Variants in MEGF11 observed in about 807,000 individuals in gnomAD.
The protein encoded by MEGF11 is multiple epidermal growth factor-like domains protein 11.
MEGF11 carries 126 observed loss-of-function variants against 146.6 expected under a neutral mutation model. The observed-to-expected ratio is 0.86, with a 90% CI of 0.74 to 1.00. The LOEUF (loss-of-function observed/expected upper bound fraction) is 1.00, where lower values mean the gene tolerates loss of function less well. Among genes scored for constraint, MEGF11 ranks in the 50% least tolerant of loss-of-function variants. The probability of loss-of-function intolerance (pLI) is 0.00; values close to 1 mark genes in which losing one functional copy is unlikely to be tolerated. For missense variants in MEGF11, 1,509 were observed against 1,521.2 expected, an observed-to-expected ratio of 0.99 and a Z score of 0.13; for synonymous variants, 532 against 583.4, an observed-to-expected ratio of 0.91 and a Z score of 1.27.
At chr15:66,251,847 T>C (rs1458466137) in intron 1 of MEGF11, among the ~76,000 whole-genome samples, 1 of 152,214 alleles carries the variant, frequency 6.6e-6, no homozygotes, top group African/African-American at 2.4e-5. Flanking sequence ...AGACCTCGAA[T>C]TTCTAGCGGC....
At chr15:65,994,027 G>A (rs1416880099) in intron 5 of MEGF11, among the ~76,000 whole-genome samples, 3 of 152,140 alleles carry the variant, frequency 2.0e-5, no homozygotes, top group Non-Finnish European at 2.9e-5. Flanking sequence ...CTGTGACAGG[G>A]GCCCCGGACC....
chr15:66,253,213 G>T (rs539598311), intron 1 of MEGF11, among the ~76,000 whole-genome samples: 3 of 152,130 alleles, frequency 2.0e-5, no homozygotes, highest in Non-Finnish European at 4.4e-5. Flanking sequence ...GCTTGAGAGC[G>T]GAGTCCCCAG....
At chr15:66,186,660 C>G (rs1227840948) in intron 1 of MEGF11, among the ~76,000 whole-genome samples, 1 of 152,230 alleles carries the variant, frequency 6.6e-6, no homozygotes, top group Non-Finnish European at 1.5e-5. Flanking sequence ...AAGTCAATCA[C>G]CCCTGCTGAG....
intron 13 of MEGF11, among the ~76,000 whole-genome samples, chr15:65,925,929 C>T (rs1413177186): frequency 6.6e-6 from 1 of 152,216 alleles, no homozygotes; most frequent in African/African-American, 2.4e-5. Context: ...TACTTGAAAG[C>T]TTCATACACA....
chr15:66,031,312 C>A (rs2083509615), intron 5 of MEGF11, among the ~76,000 whole-genome samples: 1 of 152,148 alleles, frequency 6.6e-6, no homozygotes, highest in South Asian at 2.1e-4. Context: ...ACCTTCTATA[C>A]CCAGTCTGGT....
chr15:66,008,735 G>A (rs892079196), intron 5 of MEGF11, among the ~76,000 whole-genome samples: 1 of 151,588 alleles, frequency 6.6e-6, no homozygotes, highest in African/African-American at 2.4e-5. Context: ...GAGGTGGGAG[G>A]ACTGTCTGAG....
intron 4 of MEGF11, among the ~76,000 whole-genome samples, chr15:66,106,268 T>C (rs2087075194): frequency 6.6e-6 from 1 of 152,214 alleles, no homozygotes; most frequent in Non-Finnish European, 1.5e-5. Context: ...CGTGCAGTTA[T>C]GCACTTGGTA....
chr15:66,213,528 C>T (rs1198303187), intron 1 of MEGF11, among the ~76,000 whole-genome samples: 2 of 152,098 alleles, frequency 1.3e-5, no homozygotes, highest in African/African-American at 4.8e-5. Context: ...ATAGGCACTC[C>T]TGCTTTGTGC....
intron 21 of MEGF11, 151 bp from the exon 22 acceptor site, chr15:65,909,957 C>T (rs1216146112): frequency 1.4e-6 from 1 of 713,868 alleles, no homozygotes; most frequent in African/African-American, 1.7e-5. Context: ...GCTAGGTGTT[C>T]CATGACAGGC....
At chr15:65,926,439 A>G (rs1316843671) in intron 13 of MEGF11, among the ~76,000 whole-genome samples, 3 of 152,272 alleles carry the variant, frequency 2.0e-5, no homozygotes, top group African/African-American at 4.8e-5. Context: ...GGCAAGATGA[A>G]TAAGACAAAA....
chr15:65,922,777 G>A, intron 14 of MEGF11, 46 bp downstream of exon 14: 2 of 1,601,588 alleles, frequency 1.2e-6, no homozygotes, highest in Non-Finnish European at 1.7e-6. Context: ...GAGGGCTAGG[G>A]AGGATTAGCC....
At chr15:66,089,953 GT>G (rs1294329382) in intron 5 of MEGF11, among the ~76,000 whole-genome samples, 5 of 152,240 alleles carry the variant, frequency 3.3e-5, no homozygotes, top group African/African-American at 1.2e-4. Context: ...TGGGATGGAG[GT>G]TTATGACCAG....
At chr15:66,038,188 G>A (rs2083799495) in intron 5 of MEGF11, among the ~76,000 whole-genome samples, 1 of 152,158 alleles carries the variant, frequency 6.6e-6, no homozygotes, top group African/African-American at 2.4e-5. Context: ...GATAAATTGA[G>A]GTGCATACCT....
chr15:66,047,841 A>T (rs150323393), intron 5 of MEGF11, among the ~76,000 whole-genome samples: 1 of 152,190 alleles, frequency 6.6e-6, no homozygotes, highest in South Asian at 2.1e-4. Context: ...CTTGGCCTAC[A>T]TGCCCTCCCG....
chr15:66,129,969 T>C (rs4776737), intron 1 of MEGF11, among the ~76,000 whole-genome samples: 58,626 of 152,012 alleles, frequency 0.39, 12,825 homozygotes, highest in South Asian at 0.56. Context: ...GATTCTGGTG[T>C]TTCTGCTCAA....
At chr15:66,066,794 C>A (rs1288076364) in intron 5 of MEGF11, among the ~76,000 whole-genome samples, 1 of 152,238 alleles carries the variant, frequency 6.6e-6, no homozygotes, top group Non-Finnish European at 1.5e-5. Flanking sequence ...AAATCAAGCC[C>A]CACAAAAACA....
intron 4 of MEGF11, among the ~76,000 whole-genome samples, chr15:66,106,187 CAA>C (rs1429396138): frequency 1.3e-5 from 2 of 152,290 alleles, no homozygotes; most frequent in East Asian, 3.9e-4. Context: ...AGATGGGAAA[CAA>C]TGATGGGGAA....
intron 10 of MEGF11, among the ~76,000 whole-genome samples, chr15:65,951,474 G>A (rs1205466892): frequency 1.3e-5 from 2 of 152,148 alleles, no homozygotes; most frequent in Admixed American, 1.3e-4. Flanking sequence ...ATGACATGAG[G>A]TCAGGAGTTC....
At chr15:66,047,828 C>T (rs1210659918) in intron 5 of MEGF11, among the ~76,000 whole-genome samples, 5 of 152,200 alleles carry the variant, frequency 3.3e-5, no homozygotes, top group African/African-American at 1.2e-4. Context: ...TGAGAGATGG[C>T]TTCTTGGCCT....
Sources: gnomAD v4.1 joint callset for allele counts (sites outside exome capture counted in the v4.1 genomes callset) on GRCh38, gnomAD v4.1.1 for gene constraint, MANE v1.5 for transcripts, NCBI Gene and HGNC (gene_info 2026-07-23, HGNC 2026-07-21) for gene names.